Variants in LAMB3 observed in about 807,000 individuals in gnomAD.
LAMB3 encodes the protein laminin subunit beta 3.
A neutral mutation model predicts 140.3 loss-of-function variants in LAMB3; 104 were observed. That is an observed-to-expected ratio of 0.74 (90% CI 0.63 to 0.87). LAMB3 has a LOEUF of 0.87. Ranked by LOEUF, LAMB3 falls within the 40% of genes least tolerant of loss-of-function variation. The probability of loss-of-function intolerance (pLI) is 0.00; values close to 1 mark genes in which losing one functional copy is unlikely to be tolerated. For synonymous variants in LAMB3, 592 were observed against 602.9 expected (o/e 0.98, Z 0.26); for missense variants, 1,531 against 1,575.2 (o/e 0.97, Z 0.47).
intron 6 of LAMB3, among the ~76,000 whole-genome samples, chr1:209,633,654 G>T (rs982239537): frequency 2.0e-5 from 3 of 152,226 alleles, no homozygotes; most frequent in African/African-American, 7.2e-5. Flanking sequence ...TATCTGGTGT[G>T]TGAAGAATGT....
chr1:209,628,721 GA>G (rs1411620831), intron 10 of LAMB3, among the ~76,000 whole-genome samples: 1 of 148,214 alleles, frequency 6.7e-6, no homozygotes, highest in East Asian at 2.0e-4. Context: ...GAGAGAGAGA[GA>G]AAGAAATGAG....
chr1:209,618,641 G>C lies in LAMB3; in HGVS notation c.2720C>G (p.Ala907Gly), dbSNP rs747338921. The change falls in exon 19 of 23, where the codon GCC becomes GGC. Residue 907 changes from alanine (A) to glycine (G), a missense_variant. Ala to Gly is a moderately conservative substitution (Grantham distance 60). Transcript: ENST00000356082. ...GGCCTCGCTGACCTCCTGGATAGTG[G>C]CTGCATCAGTGTCGGGGTCTGGAAG... ...DFLTDPDTDA[A>G]TIQEVSEAVL... The C allele has an allele frequency of 1.9e-6, 3 of 1,607,486 alleles. No individual in the cohort carries two copies. Among genetic ancestry groups the C allele is most frequent in the Non-Finnish European group, 2.5e-6 (3 of 1,178,846 alleles).
Position 209,625,897 on chromosome 1 carries a change from G to A in LAMB3, c.1727C>T (p.Pro576Leu), listed in dbSNP as rs202063530. Residue 576 changes from proline to leucine, a missense_variant, in exon 14 of 23, where the codon CCG becomes CTG. Transcript: ENST00000356082. ...QCQRGYCNRY[P>L]VCVACHPCFQ... ...GCAAGGGTGGCAGGCCACGCACACC[G>A]GGTAGCGATTACAGTAGCCTCGCTG... 87 of 1,613,724 alleles carry A rather than the reference G, an allele frequency of 5.4e-5. No individual in the cohort carries two copies. The highest frequency in any genetic ancestry group is 6.6e-5 in the Non-Finnish European group (78 of 1,179,912).
At chr1:209,628,719 G>GAA (rs1666568535) in intron 10 of LAMB3, among the ~76,000 whole-genome samples, 1 of 152,052 alleles carries the variant, frequency 6.6e-6, no homozygotes, top group South Asian at 2.1e-4. Context: ...GAGAGAGAGA[G>GAA]AGAAAGAAAT....
intron 14 of LAMB3, among the ~76,000 whole-genome samples, chr1:209,625,260 A>G (rs1331465915): frequency 6.6e-6 from 1 of 152,116 alleles, no homozygotes; most frequent in Non-Finnish European, 1.5e-5. Flanking sequence ...ACCAACTTCC[A>G]TTCCAAAGCC....
chr1:209,622,474 A>G (rs1666233632), intron 18 of LAMB3, 62 bp downstream of exon 18: 10 of 1,598,472 alleles, frequency 6.3e-6, no homozygotes, highest in South Asian at 2.2e-5. Context: ...TGCACTGAAC[A>G]TGGGAATGCG....
At chr1:209,642,653 A>G (rs895413261) in intron 3 of LAMB3, among the ~76,000 whole-genome samples, 4 of 151,948 alleles carry the variant, frequency 2.6e-5, no homozygotes, top group Non-Finnish European at 5.9e-5. Flanking sequence ...TAATTTTTGT[A>G]TTTTTAGTAG....
chr1:209,614,988 A>G lies in LAMB3; in HGVS notation c.*283T>C. ...AGGATTCCTCCCCAGTGGAGAACTAAAGGCGGGGGATACTGCCCAGCCCAG... is the reference window on the plus strand; with the variant it reads ...AGGATTCCTCCCCAGTGGAGAACTAGAGGCGGGGGATACTGCCCAGCCCAG... On this transcript the variant is annotated 3_prime_UTR_variant, in exon 23 of 23. Coordinates refer to ENST00000356082, the MANE Select transcript of LAMB3 (RefSeq NM_000228.3). 2.4e-6 allele frequency: 1 copy of G among 417,634 alleles called. No individual in the cohort carries two copies. Among genetic ancestry groups the G allele is most frequent in the Non-Finnish European group, 4.3e-6 (1 of 232,020 alleles). 25.9% of individuals were successfully genotyped at this position (417,634 alleles called of 1,614,324 possible).
chr1:209,633,175 A>AT, intron 6 of LAMB3, 42 bp from the exon 7 acceptor site: 1 of 1,407,850 alleles, frequency 7.1e-7, no homozygotes, highest in Non-Finnish European at 1.0e-6. Context: ...GAAGAGACAA[A>AT]TAGTGTGCCC....
At chr1:209,626,377 T>C (rs1375450199) in intron 13 of LAMB3, among the ~76,000 whole-genome samples, 1 of 152,096 alleles carries the variant, frequency 6.6e-6, no homozygotes, top group East Asian at 1.9e-4. Context: ...GGAAACCAAG[T>C]CTAAAGAGGG....
At position 209,633,104 on chromosome 1, in the gene LAMB3, A is replaced by G. The variant is rs1446232094; in HGVS notation, c.594T>C (p.Ser198=). Residue 198 remains serine (S), a synonymous_variant, in exon 7 of 23, where the codon TCT becomes TCC. Transcript: ENST00000356082. ...TTTGACTTTGAGTTGCTGGAATCCC[A>G]GACACTAAATCCATAAGGTTAAGTT... ...KVQLNLMDLV[S]GIPATQSQKI... 6.2e-7 allele frequency: 1 copy of G among 1,612,796 alleles called. No individual in the cohort carries two copies. The highest frequency in any genetic ancestry group is 1.3e-5 in the African/African-American group (1 of 74,888).
At chr1:209,622,830 G>GAA (rs1373178840) in intron 17 of LAMB3, 150 bp from the exon 18 acceptor site, 88 of 1,355,622 alleles carry the variant, frequency 6.5e-5, no homozygotes, top group Non-Finnish European at 8.4e-5. Context: ...CAGTAAAAGA[G>GAA]AAAAAAAACT....
chr1:209,650,844 A>G, intron 2 of LAMB3, 73 bp downstream of exon 2: 11 of 1,457,366 alleles, frequency 7.5e-6, no homozygotes, highest in Non-Finnish European at 1.1e-5. Context: ...ACTTTGGTAA[A>G]CTCTCCTTCT....
rs1202622488 is a variant in LAMB3 at position 209,638,607 on chromosome 1, G to C, written c.225C>G (p.His75Gln). 6.2e-7 allele frequency: 1 copy of C among 1,613,970 alleles called. No homozygotes were observed. The highest frequency in any genetic ancestry group is 8.5e-7 in the Non-Finnish European group (1 of 1,179,936). Residue 75 changes from histidine (H) to glutamine (Q), a missense_variant, in exon 4 of 23, where the codon CAC (histidine) becomes CAG (glutamine). Coordinates refer to ENST00000356082, the MANE Select transcript of LAMB3 (RefSeq NM_000228.3). ...TCTCTACTCGGTGACTGTAGTAGTTGTGAGGCTGCCTGGAGTCACACTTGC... is the reference window on the plus strand; with the variant it reads ...TCTCTACTCGGTGACTGTAGTAGTTCTGAGGCTGCCTGGAGTCACACTTGC... ...KCCKCDSRQP[H>Q]NYYSHRVENV...
rs970445633 is a variant in LAMB3 at position 209,627,383 on chromosome 1, C to T, written c.1485G>A (p.Gln495=). The change falls in exon 12 of 23, where the codon CAG becomes CAA. Residue 495 remains glutamine, a splice_region_variant and synonymous_variant. Transcript: ENST00000356082. ...PHNSLSPQCN[Q]FTGQCPCREG... is the part of the protein sequence containing the mutation. ...CCCCCGGACCACCCTCACTTCGTAC[C>T]TGGTTGCACTGTGGGCTGAGGGAGT... 5 of 1,610,484 alleles carry T rather than the reference C, an allele frequency of 3.1e-6. No homozygotes were observed. The African/African-American group carries it at 6.7e-5, about 22-fold the overall frequency.
Position 209,623,144 on chromosome 1 carries a change from T to C in LAMB3, c.2394A>G (p.Pro798=). The C allele has an allele frequency of 6.2e-7, 1 of 1,614,168 alleles. No homozygotes were observed. ...CGNSRQMACT[P]ISCPGELCPQ... is the part of the protein sequence containing the mutation. ...GACATAGCTCACCAGGGCATGATAT[T>C]GGGGTGCAAGCCATCTGCCTGGAGT... The change falls in exon 17 of 23, where the codon CCA becomes CCG. Residue 798 remains proline, a synonymous_variant. Coordinates refer to ENST00000356082, the MANE Select transcript of LAMB3 (RefSeq NM_000228.3). The surrounding 1 kb of genome is among the most constrained non-coding windows in gnomAD (Gnocchi z 4.2).
rs1666455379 is a variant in LAMB3 at position 209,626,394 on chromosome 1, G to C, written c.1598-368C>G. ...AAACCAAGTCTAAAGAGGGGAAGCA[G>C]CTCCCTCAAAGTCACTCAGTGAGGC... On this transcript the variant is annotated intron_variant, in intron 13 of 22. Coordinates refer to ENST00000356082, the MANE Select transcript of LAMB3 (RefSeq NM_000228.3). Among the ~76,000 whole-genome samples, 3 of 152,326 alleles carry C rather than the reference G, an allele frequency of 2.0e-5. No individual in the cohort carries two copies. In the South Asian group the frequency reaches 6.2e-4, roughly 32 times the overall value.
At chr1:209,642,759 G>A (rs1401202350) in intron 3 of LAMB3, among the ~76,000 whole-genome samples, 2 of 152,194 alleles carry the variant, frequency 1.3e-5, no homozygotes, top group African/African-American at 4.8e-5. Flanking sequence ...GATTACAGGT[G>A]TGAGCCACTT....
chr1:209,621,262 C>G (rs1250810750), intron 18 of LAMB3, among the ~76,000 whole-genome samples: 1 of 152,198 alleles, frequency 6.6e-6, no homozygotes, highest in African/African-American at 2.4e-5. Flanking sequence ...TATCCATGAG[C>G]CTAAGCCCCA....
Sources: allele counts gnomAD v4.1 joint callset (sites outside exome capture counted in the v4.1 genomes callset), GRCh38; gene constraint gnomAD v4.1.1; non-coding constraint Gnocchi (gnomAD v3.1); transcripts MANE v1.5; gene names NCBI Gene and HGNC (gene_info 2026-07-23, HGNC 2026-07-21).